Variants in RARB observed in about 807,000 individuals in gnomAD.
The protein encoded by RARB is retinoic acid receptor beta.
In RARB, 17 loss-of-function variants were observed where a neutral mutation model predicts 51.9. That is an observed-to-expected ratio of 0.33 (90% CI 0.22 to 0.49). The LOEUF is 0.49. Among genes scored for constraint, RARB ranks in the 20% least tolerant of loss-of-function variants. The probability of loss-of-function intolerance (pLI) is 0.99; values close to 1 mark genes in which losing one functional copy is unlikely to be tolerated. For synonymous variants in RARB, 215 were observed against 195.4 expected, an observed-to-expected ratio of 1.10 and a Z score of -0.84; for missense variants, 369 against 550.8, an observed-to-expected ratio of 0.67 and a Z score of 3.30.
At chr3:25,287,704 G>A (rs1703689759) in intron 5 of RARB, among the ~76,000 whole-genome samples, 1 of 152,136 alleles carries the variant, frequency 6.6e-6, no homozygotes. Flanking sequence ...TTGTCAATGG[G>A]AAAGTGGCCT....
At chr3:25,500,964 T>C (rs917804544) in intron 2 of RARB, among the ~76,000 whole-genome samples, 4 of 152,096 alleles carry the variant, frequency 2.6e-5, no homozygotes, top group Admixed American at 2.6e-4. Context: ...ATAATAATGG[T>C]CATGTCTAGT....
chr3:25,216,519 A>T (rs1048500757), intron 5 of RARB, among the ~76,000 whole-genome samples: 11 of 151,416 alleles, frequency 7.3e-5, no homozygotes, highest in Admixed American at 4.6e-4. Context: ...CTCACTCATA[A>T]GTAGGAGTTG....
At chr3:25,255,887 T>C (rs528435337) in intron 5 of RARB, among the ~76,000 whole-genome samples, 1 of 152,172 alleles carries the variant, frequency 6.6e-6, no homozygotes, top group African/African-American at 2.4e-5. Flanking sequence ...TGTTTATTTA[T>C]ATTTATTAAT....
intron 2 of RARB, among the ~76,000 whole-genome samples, chr3:25,045,125 T>C (rs1209196207): frequency 6.6e-6 from 1 of 152,220 alleles, no homozygotes; most frequent in Non-Finnish European, 1.5e-5. Flanking sequence ...GGTCTGTTTC[T>C]AGGAAATGAC....
At chr3:25,539,581 C>CTTT (rs34726255) in intron 3 of RARB, among the ~76,000 whole-genome samples, 2 of 103,974 alleles carry the variant, frequency 1.9e-5, no homozygotes, top group African/African-American at 3.7e-5. Context: ...CCCTTTATTT[C>CTTT]TTTTTTTTTT....
At chr3:24,858,560 C>T (rs564151741) in intron 1 of RARB, 2 of 152,164 alleles carry the variant, frequency 1.3e-5, no homozygotes, top group Non-Finnish European at 2.9e-5. Flanking sequence ...TTAACTATGT[C>T]ACGTCATGGA....
chr3:25,178,984 T>A (rs776984249), intron 5 of RARB, among the ~76,000 whole-genome samples: 2 of 152,194 alleles, frequency 1.3e-5, no homozygotes, highest in Non-Finnish European at 2.9e-5. Context: ...GGCTTCAGAA[T>A]CTCTCTCAAA....
intron 1 of RARB, among the ~76,000 whole-genome samples, chr3:24,854,945 C>T (rs1702612982): frequency 6.6e-6 from 1 of 152,156 alleles, no homozygotes; most frequent in Non-Finnish European, 1.5e-5. Flanking sequence ...TCTGTGTTTT[C>T]AAAAGCACTT....
intron 2 of RARB, among the ~76,000 whole-genome samples, chr3:25,019,633 A>G (rs74743467): frequency 0.011 from 1,611 of 152,308 alleles, 27 homozygotes; most frequent in South Asian, 0.065. Context: ...ATAGACAATA[A>G]CCAAACCTTG....
chr3:25,206,547 T>C (rs150012247), intron 5 of RARB, among the ~76,000 whole-genome samples: 105 of 152,254 alleles, frequency 6.9e-4, no homozygotes, highest in African/African-American at 2.4e-3. Flanking sequence ...TCTTTTGAGG[T>C]CATTCCCTGT....
chr3:25,376,405 A>T (rs562632142), intron 5 of RARB, among the ~76,000 whole-genome samples: 1 of 152,322 alleles, frequency 6.6e-6, no homozygotes, highest in South Asian at 2.1e-4. Flanking sequence ...CAAAAGAAGA[A>T]GTTTTTGTCT....
chr3:25,107,532 T>C (rs1699529617), intron 3 of RARB, among the ~76,000 whole-genome samples: 1 of 152,154 alleles, frequency 6.6e-6, no homozygotes, highest in Non-Finnish European at 1.5e-5. Context: ...GCAGTGGAAA[T>C]AAATCCAGTA....
rs140964653 is a variant in RARB at position 24,961,187 on chromosome 3, T to C, written c.-379-98938T>C. On this transcript the variant is annotated intron_variant, in intron 2 of 11. Transcript: ENST00000383772. ...CTAGAATTCGATTGCAAATTTTAGTTGAGACACCAAAGAGATTCTGTTGTT... is the reference window on the plus strand; with the variant it reads ...CTAGAATTCGATTGCAAATTTTAGTCGAGACACCAAAGAGATTCTGTTGTT... Among the ~76,000 whole-genome samples the C allele has an allele frequency of 6.1e-3, 924 of 152,326 alleles. 6 individuals carry two copies. Among genetic ancestry groups the C allele is most frequent in the African/African-American group, 0.021 (889 of 41,564 alleles).
intron 4 of RARB, 48 bp from the exon 5 acceptor site, chr3:25,580,498 T>C: frequency 8.8e-6 from 13 of 1,483,174 alleles, no homozygotes; most frequent in Non-Finnish European, 1.2e-5. Context: ...TCCCCTCCTA[T>C]AGAGCTTCCC....
intron 5 of RARB, among the ~76,000 whole-genome samples, chr3:25,320,476 C>A (rs1157113179): frequency 3.9e-5 from 6 of 152,116 alleles, no homozygotes. Flanking sequence ...AAAGTTTGGC[C>A]AATGAGAGGC....
At chr3:24,987,444 GT>G (rs919765457) in intron 2 of RARB, among the ~76,000 whole-genome samples, 1 of 152,214 alleles carries the variant, frequency 6.6e-6, no homozygotes, top group African/African-American at 2.4e-5. Flanking sequence ...CCCCAGAGGG[GT>G]TGGATGAAAT....
intron 5 of RARB, among the ~76,000 whole-genome samples, chr3:25,399,095 A>G (rs1707196340): frequency 6.6e-6 from 1 of 152,138 alleles, no homozygotes; most frequent in South Asian, 2.1e-4. Context: ...GAGATTGTTT[A>G]CAGATAGGAA....
At chr3:24,902,504 T>C (rs6769702) in intron 2 of RARB, among the ~76,000 whole-genome samples, 35,597 of 152,040 alleles carry the variant, frequency 0.23, 4,784 homozygotes, top group African/African-American at 0.37. Context: ...AGACATGTTC[T>C]GTTGGGGACA....
chr3:25,513,109 C>G (rs1343708978), intron 3 of RARB, among the ~76,000 whole-genome samples: 2 of 110,826 alleles, frequency 1.8e-5, no homozygotes, highest in East Asian at 5.5e-4. Context: ...AAAACCCTGT[C>G]TTTACTAAAA....
Sources: gnomAD v4.1 joint callset for allele counts (sites outside exome capture counted in the v4.1 genomes callset) on GRCh38, gnomAD v4.1.1 for gene constraint, MANE v1.5 for transcripts, NCBI Gene and HGNC (gene_info 2026-07-23, HGNC 2026-07-21) for gene names.